Variants in DCDC1 observed in about 807,000 individuals in gnomAD.
The protein encoded by DCDC1 is doublecortin domain containing 1.
In DCDC1, 200 loss-of-function variants were observed where a neutral mutation model predicts 178.3. The observed-to-expected ratio is 1.12, with a 90% CI of 1.00 to 1.26. DCDC1 has a LOEUF of 1.26. DCDC1 is among the 50% of genes most tolerant of loss of function. DCDC1 has a pLI of 0.00. For synonymous variants in DCDC1, 690 were observed against 604.8 expected, an observed-to-expected ratio of 1.14 and a Z score of -2.07; for missense variants, 1,983 against 1,749.2, an observed-to-expected ratio of 1.13 and a Z score of -2.38.
chr11:31,099,854 G>A (rs1422774567), intron 15 of DCDC1, among the ~76,000 whole-genome samples: 1 of 152,010 alleles, frequency 6.6e-6, no homozygotes, highest in Non-Finnish European at 1.5e-5. Flanking sequence ...AAGTAGCTGG[G>A]ACCACAGGCA....
At chr11:31,180,230 G>A (rs954100434) in intron 9 of DCDC1, among the ~76,000 whole-genome samples, 1 of 152,160 alleles carries the variant, frequency 6.6e-6, no homozygotes, top group African/African-American at 2.4e-5. Flanking sequence ...CTGCACAGTA[G>A]GTAACTATGG....
At chr11:31,328,742 T>C (rs938619046) in intron 2 of DCDC1, among the ~76,000 whole-genome samples, 37 of 142,494 alleles carry the variant, frequency 2.6e-4, no homozygotes, top group African/African-American at 9.8e-4. Context: ...ACCCGGGAGG[T>C]GGAGCTTGCA....
At chr11:31,128,388 T>C (rs1005579176) in intron 10 of DCDC1, among the ~76,000 whole-genome samples, 2 of 152,146 alleles carry the variant, frequency 1.3e-5, no homozygotes, top group Non-Finnish European at 2.9e-5. Flanking sequence ...GGATTATTAA[T>C]AGCAGTAGTT....
At position 31,237,550 on chromosome 11, in the gene DCDC1, C is replaced by T. The variant is rs368696209; in HGVS notation, c.1221+3900G>A. On this transcript the variant is annotated intron_variant, in intron 9 of 38. Transcript: ENST00000684477. ...CAAAAAAATTTAAATTTAAATCACT[C>T]GGGCCAAAAATTATATAAACCTCAA... Among the ~76,000 whole-genome samples the T allele has an allele frequency of 4.0e-5, 6 of 151,576 alleles. No homozygotes were observed. The East Asian group carries it at 9.7e-4, about 24-fold the overall frequency.
chr11:31,038,093 T>G (rs1400793313), intron 20 of DCDC1, among the ~76,000 whole-genome samples: 3 of 134,362 alleles, frequency 2.2e-5, no homozygotes, highest in Non-Finnish European at 4.8e-5. Context: ...GGGGGAGGGA[T>G]AGCATTAGGA....
chr11:31,097,361 G>C (rs1958228300), intron 15 of DCDC1, among the ~76,000 whole-genome samples: 1 of 152,182 alleles, frequency 6.6e-6, no homozygotes, highest in South Asian at 2.1e-4. Context: ...AGTTCATAGA[G>C]CACAACCCTC....
intron 9 of DCDC1, among the ~76,000 whole-genome samples, chr11:31,161,669 C>G (rs1966324616): frequency 6.6e-6 from 1 of 152,146 alleles, no homozygotes; most frequent in African/African-American, 2.4e-5. Flanking sequence ...GTTGCCAAAT[C>G]GATATACCAC....
intron 20 of DCDC1, among the ~76,000 whole-genome samples, chr11:30,963,956 C>G (rs1467967508): frequency 6.6e-6 from 1 of 152,126 alleles, no homozygotes; most frequent in Non-Finnish European, 1.5e-5. Context: ...ATTCTCATTG[C>G]TGTTTTCGTA....
intron 36 of DCDC1, among the ~76,000 whole-genome samples, chr11:30,884,694 C>A (rs1943008941): frequency 6.6e-6 from 1 of 151,572 alleles, no homozygotes; most frequent in Non-Finnish European, 1.5e-5. Context: ...ATCTAAGACC[C>A]TTGTAAACAA....
At chr11:31,047,718 T>G (rs1281750594) in intron 20 of DCDC1, among the ~76,000 whole-genome samples, 1 of 152,190 alleles carries the variant, frequency 6.6e-6, no homozygotes, top group East Asian at 1.9e-4. Context: ...ATTGCAAAAT[T>G]CCTTGAGGAT....
intron 9 of DCDC1, among the ~76,000 whole-genome samples, chr11:31,157,770 T>C (rs1965879263): frequency 6.6e-6 from 1 of 152,136 alleles, no homozygotes; most frequent in Non-Finnish European, 1.5e-5. Flanking sequence ...GCAATGATGG[T>C]GGTAGAACAA....
chr11:30,971,960 A>G (rs1216583500), intron 20 of DCDC1, among the ~76,000 whole-genome samples: 1 of 152,138 alleles, frequency 6.6e-6, no homozygotes, highest in Admixed American at 6.5e-5. Context: ...GAAAAGAAAA[A>G]CAAAGTCTAC....
intron 1 of DCDC1, among the ~76,000 whole-genome samples, chr11:31,368,991 A>G (rs1952124764): frequency 1.3e-5 from 2 of 152,118 alleles, no homozygotes; most frequent in African/African-American, 4.8e-5. Flanking sequence ...ACAAACCCCA[A>G]CAGTGCCCAT....
At chr11:31,158,995 T>C (rs1303066262) in intron 9 of DCDC1, among the ~76,000 whole-genome samples, 1 of 151,614 alleles carries the variant, frequency 6.6e-6, no homozygotes, top group Non-Finnish European at 1.5e-5. Context: ...TAATATAAAT[T>C]GGATGTATAC....
chr11:31,179,361 A>T (rs1968481190), intron 9 of DCDC1, among the ~76,000 whole-genome samples: 2 of 152,232 alleles, frequency 1.3e-5, no homozygotes, highest in South Asian at 4.1e-4. Context: ...ACTATGTCCA[A>T]GACAATCTGT....
chr11:30,998,093 A>G (rs1485625179), intron 20 of DCDC1, among the ~76,000 whole-genome samples: 1 of 152,098 alleles, frequency 6.6e-6, no homozygotes, highest in Non-Finnish European at 1.5e-5. Flanking sequence ...CAGGAGGTCG[A>G]GACCAGTCTG....
chr11:31,143,777 G>A (rs982069347), intron 9 of DCDC1, among the ~76,000 whole-genome samples: 4 of 152,328 alleles, frequency 2.6e-5, no homozygotes, highest in African/African-American at 9.6e-5. Flanking sequence ...TTGGGGAAGA[G>A]ATAGAAACCT....
chr11:31,194,025 A>T (rs1426901741), intron 9 of DCDC1, among the ~76,000 whole-genome samples: 1 of 152,100 alleles, frequency 6.6e-6, no homozygotes, highest in Non-Finnish European at 1.5e-5. Flanking sequence ...GGGAAAATCT[A>T]CAAGGTCCAT....
intron 6 of DCDC1, among the ~76,000 whole-genome samples, chr11:31,304,597 A>C (rs1184191651): frequency 1.3e-5 from 2 of 152,148 alleles, no homozygotes; most frequent in Non-Finnish European, 2.9e-5. Flanking sequence ...TATTATATAA[A>C]AGAGAAATCC....
Sources: gnomAD v4.1 joint callset for allele counts (sites outside exome capture counted in the v4.1 genomes callset) on GRCh38, gnomAD v4.1.1 for gene constraint, MANE v1.5 for transcripts, NCBI Gene and HGNC (gene_info 2026-07-23, HGNC 2026-07-21) for gene names.